The following ZNF507 variants were observed in gnomAD, a reference collection of about 807,000 sequenced individuals.
ZNF507 encodes the protein zinc finger protein 507.
ZNF507 carries 29 observed loss-of-function variants against 80.0 expected under a neutral mutation model. The ratio of observed to expected loss-of-function variants is 0.36; its 90% CI spans 0.27 to 0.49. ZNF507 has a LOEUF of 0.49. Ranked by LOEUF, ZNF507 falls within the 20% of genes least tolerant of loss-of-function variation. ZNF507 has a pLI of 0.98. For missense variants in ZNF507, 1,081 were observed against 1,152.2 expected (o/e 0.94, Z 0.90); for synonymous variants, 462 against 422.5 (o/e 1.09, Z -1.15).
chr19:32,371,196 C>T (rs1486246834), intron 5 of ZNF507, among the ~76,000 whole-genome samples: 3 of 151,886 alleles, frequency 2.0e-5, no homozygotes, highest in African/African-American at 4.8e-5. Context: ...TGTGCCCAGC[C>T]GGGCGCGGTG....
At position 32,353,628 on chromosome 19, in the gene ZNF507, C is replaced by T. The variant is rs201164350; in HGVS notation, c.798C>T (p.His266=). The T allele has an allele frequency of 2.4e-5, 39 of 1,614,180 alleles. No homozygotes were observed. Among genetic ancestry groups the T allele is most frequent in the East Asian group, 1.8e-4 (8 of 44,880 alleles). ...TCGQQRMLKT[H]AWKHAGEVDC... ...GCCAGCAGAGAATGTTGAAAACACA[C>T]GCTTGGAAACATGCTGGGGAGGTTG... Residue 266 remains histidine, a synonymous_variant, in exon 3 of 7, where the codon CAC becomes CAT. Coordinates refer to ENST00000355898, the MANE Select transcript of ZNF507 (RefSeq NM_001136156.2).
In ZNF507 at chr19:32,354,471, T is replaced by C; in HGVS notation, c.1641T>C (p.Leu547=). 6.2e-7 allele frequency: 1 copy of C among 1,614,164 alleles called. No individual in the cohort carries two copies. Among genetic ancestry groups the C allele is most frequent in the Non-Finnish European group, 8.5e-7 (1 of 1,180,020 alleles). The stretch of plus-strand genomic sequence containing the variant: ...CGTACTCAAAAATGATGTCGCCACT[T>C]AAAAACTCTTCAGATGGATTAACTA... The part of the protein sequence containing the change: ...LAAYSKMMSP[L]KNSSDGLTSL... The change falls in exon 3 of 7, where the codon CTT becomes CTC. Residue 547 remains leucine (L), a synonymous_variant. Transcript: ENST00000355898.
At position 32,383,681 on chromosome 19, in the gene ZNF507, G is replaced by A. The variant is rs1967652867; in HGVS notation, c.*598G>A. The A allele has an allele frequency of 6.6e-6, 1 of 152,140 alleles. No individual in the cohort carries two copies. Among genetic ancestry groups the A allele is most frequent in the Non-Finnish European group, 1.5e-5 (1 of 68,038 alleles). The allele number at this position is 152,140 out of a possible 1,614,324, so 9.4% of individuals were successfully genotyped here. ...ACATGTTCCTTTACTCCTTAAAAAA[G>A]AAAGGAAAGATCTCTAAATTCAAAG... On this transcript the variant is annotated 3_prime_UTR_variant, in exon 7 of 7. Transcript: ENST00000355898.
At chr19:32,371,107 C>T (rs1967464134) in intron 5 of ZNF507, among the ~76,000 whole-genome samples, 1 of 152,146 alleles carries the variant, frequency 6.6e-6, no homozygotes, top group Admixed American at 6.5e-5. Context: ...TATGCCCTTA[C>T]CATACTGTCA....
Position 32,382,928 on chromosome 19 carries a change from A to G in ZNF507, c.2707A>G (p.Ser903Gly), listed in dbSNP as rs1967643273. 6.2e-7 allele frequency: 1 copy of G among 1,613,998 alleles called. No homozygotes were observed. The highest frequency in any genetic ancestry group is 1.7e-5 in the Admixed American group (1 of 59,992). The change falls in exon 7 of 7, where the codon AGC becomes GGC. Residue 903 changes from serine to glycine, a missense_variant. Coordinates refer to ENST00000355898, the MANE Select transcript of ZNF507 (RefSeq NM_001136156.2). ...AAAAATCTCCAGTCTGGCCCCTCCTAGCATGGAGTACTGCGTTTTACTCTT... is the reference window on the plus strand; with the variant it reads ...AAAAATCTCCAGTCTGGCCCCTCCTGGCATGGAGTACTGCGTTTTACTCTT... The part of the protein sequence containing the change: ...LEKISSLAPP[S>G]MEYCVLLFCC...
rs375485281 is a variant in ZNF507, at chr19:32,354,133, C to T, written c.1303C>T (p.Arg435Cys). The T allele has an allele frequency of 2.4e-5, 39 of 1,612,988 alleles. No individual in the cohort carries two copies. The highest frequency in any genetic ancestry group is 5.0e-5 in the Admixed American group (3 of 59,980). ...DLSLTEAQIGREGMDDVYRAD... is the reference protein window; with the variant it reads ...DLSLTEAQIGCEGMDDVYRAD... ...GAGCCTGACAGAAGCTCAGATTGGG[C>T]GCGAAGGAATGGATGATGTTTATCG... Residue 435 changes from arginine to cysteine, a missense_variant, in exon 3 of 7, where the codon CGC becomes TGC. By Grantham distance (180) the Arg-to-Cys change is radical. Coordinates refer to ENST00000355898, the MANE Select transcript of ZNF507 (RefSeq NM_001136156.2).
chr19:32,376,739 C>T (rs1346477020), intron 5 of ZNF507, among the ~76,000 whole-genome samples: 2 of 152,146 alleles, frequency 1.3e-5, no homozygotes, highest in Admixed American at 6.5e-5. Context: ...ACTACCAAGA[C>T]GCGGAGACCG....
chr19:32,349,359 A>T (rs1967133846), intron 2 of ZNF507, among the ~76,000 whole-genome samples: 1 of 152,106 alleles, frequency 6.6e-6, no homozygotes, highest in Non-Finnish European at 1.5e-5. Context: ...GATGTCTGGC[A>T]TGCTGCCCAT....
rs767365522 is a variant in ZNF507, at chr19:32,353,878, C to G, written c.1048C>G (p.Gln350Glu). 3.1e-6 allele frequency: 5 copies of G among 1,614,060 alleles called. No homozygotes were observed. The African/African-American group carries it at 6.7e-5, about 22-fold the overall frequency. ...TGCAGAAAGAGGAGTACACCTAAGT[C>G]AGTCAGTTACCCTGGACCCCAATGA... Reference protein sequence around the residue: ...QSAERGVHLSQSVTLDPNEEE... With the variant: ...QSAERGVHLSESVTLDPNEEE... Residue 350 changes from glutamine (Q) to glutamate (E), a missense_variant, in exon 3 of 7, where the codon CAG becomes GAG. Transcript: ENST00000355898.
chr19:32,354,754 C>G lies in ZNF507; in HGVS notation c.1924C>G (p.Arg642Gly), dbSNP rs775247602. ...CATCCCGAATGCTGAACGACCCTAC[C>G]GTTGCCGCCTGTGTCACTACACAAG... The part of the protein sequence containing the change: ...EYIPNAERPY[R>G]CRLCHYTSGN... The change falls in exon 3 of 7, where the codon CGT becomes GGT. Residue 642 changes from arginine (R) to glycine (G), a missense_variant. Transcript: ENST00000355898. 10 of 1,614,128 alleles carry G rather than the reference C, an allele frequency of 6.2e-6. No homozygotes were observed. Among genetic ancestry groups the G allele is most frequent in the Non-Finnish European group, 8.5e-6 (10 of 1,180,002 alleles).
chr19:32,381,204 T>C (rs1223088334), intron 5 of ZNF507, among the ~76,000 whole-genome samples: 1 of 152,138 alleles, frequency 6.6e-6, no homozygotes, highest in Non-Finnish European at 1.5e-5. Flanking sequence ...TTGCCCGGGA[T>C]TCAGGGGCAG....
chr19:32,367,860 A>G (rs937610390), intron 5 of ZNF507, among the ~76,000 whole-genome samples: 2 of 152,256 alleles, frequency 1.3e-5, no homozygotes, highest in Admixed American at 1.3e-4. Flanking sequence ...AAATAGAAGT[A>G]TATTAGAAAT....
rs540193377 is a variant in ZNF507, at chr19:32,366,274, C to T, written c.2360+5656C>T. ...GAAAATTGCATAAATCATAAAGGTACAGCTGATGAATAATCACAAATTAAA... is the reference window on the plus strand; with the variant it reads ...GAAAATTGCATAAATCATAAAGGTATAGCTGATGAATAATCACAAATTAAA... On this transcript the variant is annotated intron_variant, in intron 5 of 6. Coordinates refer to ENST00000355898, the MANE Select transcript of ZNF507 (RefSeq NM_001136156.2). 1.1e-4 allele frequency among the ~76,000 whole-genome samples: 16 copies of T among 152,260 alleles called. No homozygotes were observed. In the South Asian group the frequency reaches 1.7e-3, roughly 16 times the overall value.
chr19:32,375,849 A>G (rs895093819), intron 5 of ZNF507, among the ~76,000 whole-genome samples: 9 of 152,336 alleles, frequency 5.9e-5, no homozygotes, highest in African/African-American at 1.9e-4. Context: ...ATCCTTTCAA[A>G]TGGTGACTCA....
rs78092967 is a variant in ZNF507 at position 32,381,030 on chromosome 19, G to A, written c.2361-1437G>A. ...CCAAGATATTGTTCAGCAGGTGAGT[G>A]AACAAACAAACTATGATACATCCAC... is the stretch of plus-strand genomic sequence containing the variant. On this transcript the variant is annotated intron_variant, in intron 5 of 6. Coordinates refer to ENST00000355898, the MANE Select transcript of ZNF507 (RefSeq NM_001136156.2). Among the ~76,000 whole-genome samples the A allele has an allele frequency of 1.3e-3, 205 of 152,240 alleles. 2 individuals carry two copies. In the East Asian group the frequency reaches 0.038, roughly 28 times the overall value.
intron 5 of ZNF507, among the ~76,000 whole-genome samples, chr19:32,364,377 T>G (rs1967368817): frequency 6.6e-6 from 1 of 152,132 alleles, no homozygotes; most frequent in South Asian, 2.1e-4. Context: ...ACAGGTGGTG[T>G]TTGGTTACAT....
intron 4 of ZNF507, chr19:32,358,881 A>C (rs1391422063): frequency 1.3e-5 from 2 of 152,250 alleles, no homozygotes; most frequent in African/African-American, 4.8e-5. Context: ...TTCAAGAGGC[A>C]AAATAATTTA....
chr19:32,350,909 T>C (rs940166353), intron 2 of ZNF507, among the ~76,000 whole-genome samples: 1 of 152,234 alleles, frequency 6.6e-6, no homozygotes, highest in Non-Finnish European at 1.5e-5. Flanking sequence ...ACAGCTCCTC[T>C]TGGCCTAAAA....
At chr19:32,358,832 G>A (rs1967285301) in intron 4 of ZNF507, 1 of 152,168 alleles carries the variant, frequency 6.6e-6, no homozygotes, top group African/African-American at 2.4e-5. Context: ...ATGCTGTGAG[G>A]TTCTAGCATT....
Sources: gnomAD v4.1 joint callset for allele counts (sites outside exome capture counted in the v4.1 genomes callset) on GRCh38, gnomAD v4.1.1 for gene constraint, MANE v1.5 for transcripts, NCBI Gene and HGNC (gene_info 2026-07-23, HGNC 2026-07-21) for gene names.